Variants in SORCS1 observed in about 807,000 individuals in gnomAD.
SORCS1 encodes sortilin related VPS10 domain containing receptor 1.
Under a neutral mutation model 146.1 loss-of-function variants are expected in SORCS1, and 60 were observed. The observed-to-expected ratio is 0.41, with a 90% CI of 0.33 to 0.51. SORCS1 has a LOEUF of 0.51. SORCS1 is among the 20% of genes least tolerant of loss of function. The probability of loss-of-function intolerance (pLI) is 0.21; values close to 1 mark genes in which losing one functional copy is unlikely to be tolerated. For missense variants in SORCS1, 1,352 were observed against 1,487.6 expected, an observed-to-expected ratio of 0.91 and a Z score of 1.50; for synonymous variants, 637 against 584.0, an observed-to-expected ratio of 1.09 and a Z score of -1.31.
intron 1 of SORCS1, among the ~76,000 whole-genome samples, chr10:107,111,471 G>T (rs1042939746): frequency 3.3e-5 from 5 of 152,092 alleles, no homozygotes; most frequent in Non-Finnish European, 7.4e-5. Context: ...CTATGCAGAA[G>T]AAATAATTAG....
At chr10:106,970,939 G>A (rs1041387567) in intron 1 of SORCS1, among the ~76,000 whole-genome samples, 2 of 136,638 alleles carry the variant, frequency 1.5e-5, no homozygotes, top group Non-Finnish European at 3.1e-5. Context: ...CAGTAGAGAT[G>A]GGGTTTCACC....
At chr10:106,994,086 A>AAAAG (rs1554908001) in intron 1 of SORCS1, among the ~76,000 whole-genome samples, 3,124 of 134,474 alleles carry the variant, frequency 0.023, 242 homozygotes, top group African/African-American at 0.1. Flanking sequence ...AAAAAAAAAA[A>AAAAG]AGAAAATGAG....
At chr10:106,950,061 T>C (rs986388904) in intron 2 of SORCS1, among the ~76,000 whole-genome samples, 5 of 152,232 alleles carry the variant, frequency 3.3e-5, no homozygotes, top group African/African-American at 1.2e-4. Context: ...ACCACCACGC[T>C]CTCCAATTCT....
chr10:107,113,754 T>C (rs1965849489), intron 1 of SORCS1, among the ~76,000 whole-genome samples: 1 of 138,726 alleles, frequency 7.2e-6, no homozygotes, highest in African/African-American at 2.7e-5. Context: ...CTCAAGGAAC[T>C]AGGAAAATAA....
intron 1 of SORCS1, among the ~76,000 whole-genome samples, chr10:107,039,598 C>T (rs1959071971): frequency 6.6e-6 from 1 of 152,166 alleles, no homozygotes; most frequent in African/African-American, 2.4e-5. Context: ...TCCTCTCTGG[C>T]TCCCCTGCGG....
intron 23 of SORCS1, among the ~76,000 whole-genome samples, chr10:106,600,932 C>G (rs1273795226): frequency 6.6e-6 from 1 of 152,156 alleles, no homozygotes; most frequent in Non-Finnish European, 1.5e-5. Flanking sequence ...ATTAATTATG[C>G]TGCCTTCTCT....
chr10:106,597,941 A>T (rs1846002567), intron 23 of SORCS1, among the ~76,000 whole-genome samples: 1 of 152,202 alleles, frequency 6.6e-6, no homozygotes, highest in African/African-American at 2.4e-5. Flanking sequence ...AAGTACAGCC[A>T]CAACGTAAGT....
intron 1 of SORCS1, among the ~76,000 whole-genome samples, chr10:106,970,315 C>T (rs1955711080): frequency 6.8e-6 from 1 of 146,018 alleles, no homozygotes; most frequent in South Asian, 2.1e-4. Flanking sequence ...CCCTTCTTCC[C>T]TCCAAATGTA....
At position 106,579,383 on chromosome 10, in the gene SORCS1, G is replaced by T; in HGVS notation, c.3357C>A (p.Ile1119=). The T allele has an allele frequency of 1.2e-6, 2 of 1,614,026 alleles. No homozygotes were observed. Among genetic ancestry groups the T allele is most frequent in the Non-Finnish European group, 1.7e-6 (2 of 1,179,998 alleles). The change falls in exon 25 of 26, where the codon ATC becomes ATA. Residue 1119 remains isoleucine (I), a synonymous_variant. Transcript: ENST00000263054. The part of the protein sequence containing the change: ...VVFVGLAVFV[I]YKFKRRVALP... Reference sequence around the variant, plus strand: ...GGGACACGCACCTTTTAAACTTGTAGATGACGAACACTGCCAGCCCCACAA... The same window carrying T: ...GGGACACGCACCTTTTAAACTTGTATATGACGAACACTGCCAGCCCCACAA...
At chr10:107,177,640 G>A in the SORCS1 span, among the ~76,000 whole-genome samples, 1 of 151,990 alleles carries the variant, frequency 6.6e-6, no homozygotes, top group Admixed American at 6.6e-5. Context: ...GCCTATTTAT[G>A]GTAGATGTGA....
intron 1 of SORCS1, among the ~76,000 whole-genome samples, chr10:107,089,526 C>T (rs749660621): frequency 8.5e-5 from 13 of 152,114 alleles, no homozygotes; most frequent in Admixed American, 2.6e-4. Context: ...CTATTTCTGG[C>T]GAGTCAGAAA....
intron 3 of SORCS1, among the ~76,000 whole-genome samples, chr10:106,807,325 C>T (rs1449963460): frequency 3.9e-5 from 6 of 152,106 alleles, no homozygotes; most frequent in Non-Finnish European, 8.8e-5. Context: ...GGTAAACTGT[C>T]TTTTTTGAAA....
At chr10:106,938,020 T>C (rs1357130645) in intron 2 of SORCS1, among the ~76,000 whole-genome samples, 2 of 146,890 alleles carry the variant, frequency 1.4e-5, no homozygotes, top group African/African-American at 5.0e-5. Flanking sequence ...AATACACCAG[T>C]TGAAGAAAAT....
chr10:106,840,864 T>TATATA (rs1491157685), intron 2 of SORCS1, among the ~76,000 whole-genome samples: 8 of 98,396 alleles, frequency 8.1e-5, no homozygotes, highest in Admixed American at 3.7e-4. Context: ...TATATATATA[T>TATATA]TTTTTTTTTT....
intron 1 of SORCS1, among the ~76,000 whole-genome samples, chr10:107,070,867 G>T (rs1249992844): frequency 6.6e-6 from 1 of 151,930 alleles, no homozygotes; most frequent in African/African-American, 2.4e-5. Context: ...CCTGTGAAGA[G>T]CTATGCTATA....
At chr10:107,131,627 A>G (rs781416856) in intron 1 of SORCS1, among the ~76,000 whole-genome samples, 8 of 152,178 alleles carry the variant, frequency 5.3e-5, no homozygotes, top group Non-Finnish European at 1.0e-4. Context: ...CAAGAGGCAC[A>G]AGAATCTCTT....
intron 9 of SORCS1, among the ~76,000 whole-genome samples, chr10:106,689,097 T>G (rs1853102017): frequency 6.6e-6 from 1 of 152,234 alleles, no homozygotes. Context: ...CCCTACTTTG[T>G]TTTTATAACA....
At chr10:106,992,201 C>T (rs1226319409) in intron 1 of SORCS1, among the ~76,000 whole-genome samples, 1 of 152,134 alleles carries the variant, frequency 6.6e-6, no homozygotes, top group Non-Finnish European at 1.5e-5. Flanking sequence ...CTTAAAAGCA[C>T]AGGCATGGTG....
intron 18 of SORCS1, among the ~76,000 whole-genome samples, chr10:106,643,277 A>G (rs1247072515): frequency 1.3e-5 from 2 of 152,234 alleles, no homozygotes; most frequent in Non-Finnish European, 2.9e-5. Flanking sequence ...CACAAACTGG[A>G]ACAGTGGTGC....
Sources: gnomAD v4.1 joint callset for allele counts (sites outside exome capture counted in the v4.1 genomes callset) on GRCh38, gnomAD v4.1.1 for gene constraint, MANE v1.5 for transcripts, NCBI Gene and HGNC (gene_info 2026-07-23, HGNC 2026-07-21) for gene names.